Variants in PRKCE observed in about 807,000 individuals in gnomAD.
PRKCE encodes the protein protein kinase C epsilon, also known as protein kinase C epsilon type.
A neutral mutation model predicts 85.4 loss-of-function variants in PRKCE; 16 were observed. The ratio of observed to expected loss-of-function variants is 0.19; its 90% confidence interval spans 0.13 to 0.28. PRKCE has a LOEUF of 0.28. PRKCE is among the 10% of genes least tolerant of loss of function. The pLI, the probability that PRKCE is intolerant of heterozygous loss-of-function variation, is 1.00. For missense variants in PRKCE, 573 were observed against 975.2 expected, an observed-to-expected ratio of 0.59 and a Z score of 5.49; for synonymous variants, 388 against 371.5, an observed-to-expected ratio of 1.04 and a Z score of -0.51.
At chr2:45,706,679 G>T (rs753479197) in intron 1 of PRKCE, among the ~76,000 whole-genome samples, 1 of 152,080 alleles carries the variant, frequency 6.6e-6, no homozygotes, top group Non-Finnish European at 1.5e-5. Flanking sequence ...TGTATTGGCC[G>T]CCTGATAGTT....
intron 1 of PRKCE, among the ~76,000 whole-genome samples, chr2:45,832,752 C>T (rs962789478): frequency 6.6e-6 from 1 of 152,128 alleles, no homozygotes; most frequent in African/African-American, 2.4e-5. Context: ...ATTGGGTCTC[C>T]ACTTGGAGAA....
intron 1 of PRKCE, among the ~76,000 whole-genome samples, chr2:45,741,570 C>T (rs1334266441): frequency 6.6e-6 from 1 of 152,240 alleles, no homozygotes; most frequent in Non-Finnish European, 1.5e-5. Context: ...GGTCCTCAGC[C>T]AGTTTCTACC....
chr2:45,954,717 T>C (rs1311540522), intron 2 of PRKCE, among the ~76,000 whole-genome samples: 1 of 152,198 alleles, frequency 6.6e-6, no homozygotes, highest in Non-Finnish European at 1.5e-5. Context: ...AGGAAACAAT[T>C]ACTGTCAAGA....
At chr2:46,157,545 A>G (rs1261997145) in intron 13 of PRKCE, among the ~76,000 whole-genome samples, 1 of 152,226 alleles carries the variant, frequency 6.6e-6, no homozygotes, top group Non-Finnish European at 1.5e-5. Flanking sequence ...TATCCAGTCA[A>G]AAATGTTAAT....
chr2:45,850,891 T>C (rs992555372), intron 2 of PRKCE, among the ~76,000 whole-genome samples: 2 of 152,224 alleles, frequency 1.3e-5, no homozygotes, highest in African/African-American at 4.8e-5. Flanking sequence ...GCTTATCTAA[T>C]ATATACGAGG....
chr2:45,898,351 G>A (rs1308653198), intron 2 of PRKCE, among the ~76,000 whole-genome samples: 1 of 152,208 alleles, frequency 6.6e-6, no homozygotes, highest in Non-Finnish European at 1.5e-5. Context: ...ATGTTAGTGT[G>A]ATTAGGATCT....
At chr2:45,778,343 C>T (rs1685920155) in intron 1 of PRKCE, among the ~76,000 whole-genome samples, 1 of 152,166 alleles carries the variant, frequency 6.6e-6, no homozygotes, top group Admixed American at 6.5e-5. Context: ...ACTGATGTCC[C>T]AAGAGAACAT....
intron 2 of PRKCE, among the ~76,000 whole-genome samples, chr2:45,910,294 A>G (rs1697291258): frequency 6.6e-6 from 1 of 152,216 alleles, no homozygotes; most frequent in Non-Finnish European, 1.5e-5. Flanking sequence ...GGCTGTGTGC[A>G]GAGTTCCAGA....
intron 1 of PRKCE, among the ~76,000 whole-genome samples, chr2:45,764,012 A>T (rs549334784): frequency 6.6e-6 from 1 of 152,192 alleles, no homozygotes; most frequent in Non-Finnish European, 1.5e-5. Flanking sequence ...GATTTTTAGT[A>T]TCAACCACAG....
chr2:45,755,215 A>C (rs1573216834), intron 1 of PRKCE, among the ~76,000 whole-genome samples: 1 of 152,164 alleles, frequency 6.6e-6, no homozygotes, highest in Non-Finnish European at 1.5e-5. Context: ...GTTGTATAAT[A>C]ATGGGCTGGT....
chr2:45,763,238 G>C lies in PRKCE; in HGVS notation c.349-79762G>C, dbSNP rs149547012. On this transcript the variant is annotated intron_variant, in intron 1 of 14. Transcript: ENST00000306156. Reference sequence around the variant, plus strand: ...CAAAGTTCTGGGATTACAGGCGTGAGCCACTGCTCCTGGCCTTGAGGTGTT... The same window carrying C: ...CAAAGTTCTGGGATTACAGGCGTGACCCACTGCTCCTGGCCTTGAGGTGTT... Among the ~76,000 whole-genome samples the C allele has an allele frequency of 2.3e-3, 354 of 152,334 alleles. 18 individuals are homozygous for C. In the East Asian group the frequency reaches 0.045, roughly 19 times the overall value.
chr2:45,876,460 A>G (rs1319429270), intron 2 of PRKCE, among the ~76,000 whole-genome samples: 1 of 152,228 alleles, frequency 6.6e-6, no homozygotes, highest in East Asian at 1.9e-4. Context: ...TTAAATTTAT[A>G]GTCTTGCAAC....
chr2:46,042,586 A>T (rs565261916), intron 10 of PRKCE, among the ~76,000 whole-genome samples: 61 of 152,352 alleles, frequency 4.0e-4, no homozygotes, highest in African/African-American at 1.3e-3. Context: ...CTGCTTTTAA[A>T]GCCCATCAGA....
chr2:46,127,426 G>A (rs1437001453), intron 11 of PRKCE, among the ~76,000 whole-genome samples: 1 of 152,198 alleles, frequency 6.6e-6, no homozygotes. Flanking sequence ...GCTTCCAGAT[G>A]TTCACAGTCA....
chr2:45,980,427 C>A (rs776683735), intron 5 of PRKCE, 46 bp downstream of exon 5: 2 of 1,552,302 alleles, frequency 1.3e-6, no homozygotes, highest in Non-Finnish European at 1.8e-6. Flanking sequence ...CACCGCCAGC[C>A]CCTCCCTTCA....
chr2:46,172,867 TCA>T (rs1679053522), intron 14 of PRKCE, among the ~76,000 whole-genome samples: 1 of 152,232 alleles, frequency 6.6e-6, no homozygotes, highest in African/African-American at 2.4e-5. Flanking sequence ...TGTGGATTCC[TCA>T]GAGACAGTTA....
intron 10 of PRKCE, among the ~76,000 whole-genome samples, chr2:46,083,338 G>A (rs1302882962): frequency 1.3e-5 from 2 of 152,180 alleles, no homozygotes; most frequent in Non-Finnish European, 1.5e-5. Flanking sequence ...TGATAAAACC[G>A]ATATGGGAAG....
intron 13 of PRKCE, among the ~76,000 whole-genome samples, chr2:46,153,850 G>C (rs370930948): frequency 5.9e-5 from 8 of 134,712 alleles, no homozygotes; most frequent in African/African-American, 2.2e-4. Flanking sequence ...GCAGCGGCAC[G>C]ATCTCTGCTC....
intron 2 of PRKCE, among the ~76,000 whole-genome samples, chr2:45,898,634 C>A (rs1489614238): frequency 6.6e-6 from 1 of 152,180 alleles, no homozygotes; most frequent in Non-Finnish European, 1.5e-5. Context: ...AAACATGAAG[C>A]TGGCTGTTAC....
Sources: allele counts gnomAD v4.1 joint callset (sites outside exome capture counted in the v4.1 genomes callset), GRCh38; gene constraint gnomAD v4.1.1; transcripts MANE v1.5; gene names NCBI Gene and HGNC (gene_info 2026-07-23, HGNC 2026-07-21).